The following CHSY3 variants were observed in gnomAD, a reference collection of about 807,000 sequenced individuals.
The protein encoded by CHSY3 is chondroitin sulfate synthase 3.
A neutral mutation model predicts 67.2 loss-of-function variants in CHSY3; 35 were observed. The ratio of observed to expected loss-of-function variants is 0.52; its 90% CI spans 0.40 to 0.69. The LOEUF is 0.69. Ranked by LOEUF, CHSY3 falls within the 30% of genes least tolerant of loss-of-function variation. The pLI, the probability that CHSY3 is intolerant of heterozygous loss-of-function variation, is 0.00. For missense variants in CHSY3, 1,069 were observed against 1,138.5 expected (o/e 0.94, Z 0.88); for synonymous variants, 474 against 434.7 (o/e 1.09, Z -1.12).
chr5:130,156,012 T>C (rs553078384), intron 2 of CHSY3, among the ~76,000 whole-genome samples: 5 of 152,236 alleles, frequency 3.3e-5, no homozygotes, highest in African/African-American at 1.2e-4. Flanking sequence ...TCAATAGATC[T>C]TATGGTATGA....
intron 2 of CHSY3, chr5:130,141,562 A>G (rs1206574398): frequency 1.9e-5 from 8 of 426,116 alleles, no homozygotes; most frequent in East Asian, 5.6e-5. Flanking sequence ...CAAGGAAGAC[A>G]TTGAATGTAT....
intron 2 of CHSY3, among the ~76,000 whole-genome samples, chr5:130,025,950 A>G (rs1262513880): frequency 3.3e-5 from 5 of 152,168 alleles, no homozygotes; most frequent in African/African-American, 1.2e-4. Context: ...AAAGGCCAAG[A>G]ATGAAACAAG....
At chr5:129,934,345 A>G (rs1580549179) in intron 2 of CHSY3, among the ~76,000 whole-genome samples, 1 of 152,158 alleles carries the variant, frequency 6.6e-6, no homozygotes, top group Non-Finnish European at 1.5e-5. Flanking sequence ...GTTAATATGT[A>G]TAATGGTGTG....
At chr5:129,969,405 T>A (rs988144457) in intron 2 of CHSY3, among the ~76,000 whole-genome samples, 1 of 151,868 alleles carries the variant, frequency 6.6e-6, no homozygotes, top group African/African-American at 2.4e-5. Flanking sequence ...TAGATCATGT[T>A]TTATGATGCA....
chr5:130,041,349 A>G (rs1765002301), intron 2 of CHSY3, among the ~76,000 whole-genome samples: 1 of 152,116 alleles, frequency 6.6e-6, no homozygotes, highest in African/African-American at 2.4e-5. Context: ...CTGTTCCAAG[A>G]GAGTGCTAAC....
At chr5:130,089,644 T>TGAGA (rs1202760463) in intron 2 of CHSY3, among the ~76,000 whole-genome samples, 1 of 152,158 alleles carries the variant, frequency 6.6e-6, no homozygotes, top group African/African-American at 2.4e-5. Context: ...AGGCATTGCC[T>TGAGA]GAGAAACATG....
intron 2 of CHSY3, among the ~76,000 whole-genome samples, chr5:129,953,438 A>G (rs1184369437): frequency 2.0e-5 from 3 of 152,030 alleles, no homozygotes; most frequent in Admixed American, 1.3e-4. Flanking sequence ...TGCAATAAAC[A>G]TGTGTGTGCA....
At chr5:130,058,613 T>A (rs1049215019) in intron 2 of CHSY3, among the ~76,000 whole-genome samples, 6 of 152,024 alleles carry the variant, frequency 3.9e-5, no homozygotes, top group Admixed American at 1.3e-4. Context: ...ACTAAAAGAG[T>A]GAAACTTCGT....
intron 2 of CHSY3, among the ~76,000 whole-genome samples, chr5:130,051,471 T>C (rs1159112356): frequency 6.6e-6 from 1 of 152,086 alleles, no homozygotes; most frequent in Admixed American, 6.6e-5. Context: ...GTGCTCACAA[T>C]GTAATCAAGT....
chr5:130,024,206 A>G (rs1327910316), intron 2 of CHSY3, among the ~76,000 whole-genome samples: 1 of 149,972 alleles, frequency 6.7e-6, no homozygotes, highest in Non-Finnish European at 1.5e-5. Context: ...GTAATTGTGT[A>G]ACCCCCACCC....
chr5:130,169,015 A>G (rs1446829481), intron 2 of CHSY3, among the ~76,000 whole-genome samples: 1 of 152,142 alleles, frequency 6.6e-6, no homozygotes, highest in African/African-American at 2.4e-5. Flanking sequence ...TAGGAGAGGG[A>G]GCCAAACTGT....
chr5:130,127,273 A>G (rs1768324739), intron 2 of CHSY3, among the ~76,000 whole-genome samples: 1 of 152,104 alleles, frequency 6.6e-6, no homozygotes, highest in Non-Finnish European at 1.5e-5. Flanking sequence ...AATATTTCCA[A>G]ATTAAGCCCC....
chr5:130,169,695 A>AT, intron 2 of CHSY3, among the ~76,000 whole-genome samples: 1 of 151,598 alleles, frequency 6.6e-6, no homozygotes, highest in Non-Finnish European at 1.5e-5. Context: ...CACAGAAAAA[A>AT]AAAAAACAGT....
intron 2 of CHSY3, among the ~76,000 whole-genome samples, chr5:129,965,325 G>A (rs1452363272): frequency 6.6e-6 from 1 of 151,928 alleles, no homozygotes; most frequent in African/African-American, 2.4e-5. Flanking sequence ...TACCTTACCA[G>A]CTTTGAAATC....
chr5:130,117,835 A>T (rs761739881), intron 2 of CHSY3, among the ~76,000 whole-genome samples: 1 of 152,178 alleles, frequency 6.6e-6, no homozygotes, highest in Non-Finnish European at 1.5e-5. Flanking sequence ...TTAAATTCTC[A>T]GCATTAATGT....
chr5:129,921,147 C>T (rs578242340), intron 2 of CHSY3, among the ~76,000 whole-genome samples: 13 of 152,236 alleles, frequency 8.5e-5, no homozygotes, highest in Non-Finnish European at 1.6e-4. Context: ...CCAGAACTTT[C>T]ACCTTTTCAC....
At chr5:129,986,727 C>T (rs1204543455) in intron 2 of CHSY3, among the ~76,000 whole-genome samples, 3 of 152,168 alleles carry the variant, frequency 2.0e-5, no homozygotes, top group Admixed American at 1.3e-4. Flanking sequence ...ACTGCAGCCT[C>T]CATCTCCCAG....
intron 2 of CHSY3, among the ~76,000 whole-genome samples, chr5:130,183,694 A>G (rs1465792770): frequency 1.3e-5 from 2 of 152,096 alleles, no homozygotes; most frequent in African/African-American, 4.8e-5. Flanking sequence ...ATAGAAATCA[A>G]AAAGTTGATT....
At chr5:129,930,719 C>T (rs1360437066) in intron 2 of CHSY3, among the ~76,000 whole-genome samples, 1 of 152,014 alleles carries the variant, frequency 6.6e-6, no homozygotes, top group African/African-American at 2.4e-5. Context: ...GCATCAGTGA[C>T]TACCTAAGAG....
Sources: gnomAD v4.1 joint callset for allele counts (sites outside exome capture counted in the v4.1 genomes callset) on GRCh38, gnomAD v4.1.1 for gene constraint, MANE v1.5 for transcripts, NCBI Gene and HGNC (gene_info 2026-07-23, HGNC 2026-07-21) for gene names.